RUNX1T1: variants seen among roughly 807,000 people sequenced by gnomAD.
RUNX1T1 encodes protein CBFA2T1.
Under a neutral mutation model 62.8 loss-of-function variants are expected in RUNX1T1, and 4 were observed. That is an observed-to-expected ratio of 0.06 (90% CI 0.03 to 0.15). RUNX1T1 has a LOEUF of 0.15. RUNX1T1 is among the 10% of genes least tolerant of loss of function. The pLI is 1.00. For synonymous variants in RUNX1T1, 291 were observed against 286.0 expected, an observed-to-expected ratio of 1.02 and a Z score of -0.18; for missense variants, 508 against 754.3, an observed-to-expected ratio of 0.67 and a Z score of 3.82.
intron 2 of RUNX1T1, among the ~76,000 whole-genome samples, chr8:92,015,886 T>A (rs1822892161): frequency 6.6e-6 from 1 of 152,162 alleles, no homozygotes; most frequent in Admixed American, 6.5e-5. Context: ...ACAGGAGACA[T>A]ATGCTTACCC....
At chr8:92,052,491 C>T (rs1317665657) in intron 1 of RUNX1T1, among the ~76,000 whole-genome samples, 1 of 152,064 alleles carries the variant, frequency 6.6e-6, no homozygotes, top group East Asian at 1.9e-4. Flanking sequence ...TTTCTCTACA[C>T]AAGTCCACAA....
intron 1 of RUNX1T1, among the ~76,000 whole-genome samples, chr8:92,096,011 T>C (rs1837718825): frequency 6.6e-6 from 1 of 152,240 alleles, no homozygotes; most frequent in South Asian, 2.1e-4. Flanking sequence ...GCAGTTAAGC[T>C]GCCTTCCAGA....
chr8:91,979,862 G>C (rs1222846475), intron 8 of RUNX1T1: 5 of 531,974 alleles, frequency 9.4e-6, no homozygotes, highest in African/African-American at 1.9e-5. Flanking sequence ...CTTTGGAGAA[G>C]CAATGTGACC....
intron 3 of RUNX1T1, among the ~76,000 whole-genome samples, chr8:92,013,363 A>C (rs987745005): frequency 6.6e-6 from 1 of 152,178 alleles, no homozygotes; most frequent in African/African-American, 2.4e-5. Context: ...GAGGCAGTTA[A>C]TGGTTAAAAA....
chr8:92,002,004 G>A (rs1034296837), intron 5 of RUNX1T1, among the ~76,000 whole-genome samples: 1 of 152,132 alleles, frequency 6.6e-6, no homozygotes, highest in African/African-American at 2.4e-5. Context: ...CTCTCTATCT[G>A]TAAGAGTGTT....
upstream of RUNX1T1, chr8:92,103,256 G>A (rs1808460190): frequency 4.1e-6 from 1 of 244,594 alleles, no homozygotes; most frequent in Non-Finnish European, 7.9e-6. Flanking sequence ...CACTGTCACA[G>A]GCGGCGTCTG....
chr8:92,008,329 C>T (rs7012562), intron 4 of RUNX1T1, among the ~76,000 whole-genome samples: 34,937 of 150,868 alleles, frequency 0.23, 4,292 homozygotes, highest in African/African-American at 0.31. Context: ...CTGTCTCCCA[C>T]ATTCTTCTTA....
downstream of RUNX1T1, chr8:91,957,549 A>G (rs561803615): frequency 3.9e-5 from 9 of 231,972 alleles, no homozygotes; most frequent in East Asian, 5.5e-4. Context: ...ATTAAAAAGT[A>G]ATGAGACGTA....
chr8:91,967,369 C>T (rs1811863294), intron 10 of RUNX1T1, among the ~76,000 whole-genome samples: 1 of 151,988 alleles, frequency 6.6e-6, no homozygotes, highest in Non-Finnish European at 1.5e-5. Context: ...ATAAATTTTA[C>T]ACGCCCCCCT....
intron 10 of RUNX1T1, among the ~76,000 whole-genome samples, chr8:91,969,913 G>A (rs185197020): frequency 3.9e-5 from 6 of 152,076 alleles, no homozygotes; most frequent in African/African-American, 9.6e-5. Flanking sequence ...ATTAATTAAC[G>A]TGGAGCATTA....
At chr8:92,008,280 C>T (rs950765181) in intron 4 of RUNX1T1, among the ~76,000 whole-genome samples, 1 of 151,590 alleles carries the variant, frequency 6.6e-6, no homozygotes, top group East Asian at 2.0e-4. Flanking sequence ...GATGAGGAAG[C>T]GGGGGGGAAG....
chr8:92,042,638 C>A (rs1268016966), intron 1 of RUNX1T1, among the ~76,000 whole-genome samples: 1 of 152,170 alleles, frequency 6.6e-6, no homozygotes, highest in Non-Finnish European at 1.5e-5. Flanking sequence ...CTTTCCCTCA[C>A]CTTAAAGTAA....
chr8:92,051,744 T>C (rs978206012), intron 1 of RUNX1T1, among the ~76,000 whole-genome samples: 2 of 152,100 alleles, frequency 1.3e-5, no homozygotes, highest in South Asian at 4.2e-4. Context: ...GATGCCTCAA[T>C]TGGTATGCAA....
intron 2 of RUNX1T1, among the ~76,000 whole-genome samples, chr8:92,075,533 TGA>T (rs879780414): frequency 2.0e-5 from 3 of 152,238 alleles, no homozygotes; most frequent in Non-Finnish European, 4.4e-5. Flanking sequence ...AATAATAAAC[TGA>T]AAGGCAGTTT....
At chr8:91,960,211 T>G in exon 11 of RUNX1T1, 3 of 1,592,636 alleles carry the variant, frequency 1.9e-6, no homozygotes, top group Non-Finnish European at 2.6e-6. Flanking sequence ...TTGGTTGTGT[T>G]GTCTTTCCTC....
At chr8:92,065,816 C>T (rs1033369859), upstream of RUNX1T1, among the ~76,000 whole-genome samples, 1 of 152,166 alleles carries the variant, frequency 6.6e-6, no homozygotes, top group Admixed American at 6.5e-5. Flanking sequence ...TCTCAACTTT[C>T]CTCTCGGCTT....
At chr8:92,095,754 T>C in intron 1 of RUNX1T1, 1 of 402,822 alleles carries the variant, frequency 2.5e-6, no homozygotes, top group South Asian at 6.1e-5. Flanking sequence ...ACCCTAAGGC[T>C]ATCTGGGAAT....
chr8:92,001,138 C>A (rs1048245825), intron 5 of RUNX1T1, among the ~76,000 whole-genome samples: 2 of 151,516 alleles, frequency 1.3e-5, no homozygotes, highest in African/African-American at 4.9e-5. Flanking sequence ...CCAGCCTGGG[C>A]AACATAGCGA....
At chr8:91,986,465 A>C (rs984663099) in intron 7 of RUNX1T1, 140 bp from the exon 9 acceptor site, 8 of 657,908 alleles carry the variant, frequency 1.2e-5, no homozygotes, top group Non-Finnish European at 1.3e-5. Flanking sequence ...ATTTTCTATG[A>C]CTAGATTTGA....
Sources: gnomAD v4.1 joint callset for allele counts (sites outside exome capture counted in the v4.1 genomes callset) on GRCh38, gnomAD v4.1.1 for gene constraint, MANE v1.5 for transcripts, NCBI Gene and HGNC (gene_info 2026-07-23, HGNC 2026-07-21) for gene names.